CDH2: variants seen among roughly 807,000 people sequenced by gnomAD.
CDH2 encodes the protein cadherin 2.
A neutral mutation model predicts 92.0 loss-of-function variants in CDH2; 17 were observed. The observed-to-expected ratio is 0.18, with a 90% confidence interval of 0.13 to 0.28. The LOEUF is 0.28. CDH2 is among the 10% of genes least tolerant of loss of function. The pLI is 1.00. For synonymous variants in CDH2, 419 were observed against 415.9 expected, an observed-to-expected ratio of 1.01 and a Z score of -0.09; for missense variants, 862 against 1,133.1, an observed-to-expected ratio of 0.76 and a Z score of 3.44.
At chr18:28,099,162 C>T (rs574904746) in intron 2 of CDH2, among the ~76,000 whole-genome samples, 82 of 152,234 alleles carry the variant, frequency 5.4e-4, no homozygotes, top group African/African-American at 1.8e-3. Context: ...CAAATATTTA[C>T]TAACTTTTGA....
chr18:28,083,264 T>C (rs893751702), intron 2 of CDH2, among the ~76,000 whole-genome samples: 1 of 152,090 alleles, frequency 6.6e-6, no homozygotes, highest in Non-Finnish European at 1.5e-5. Flanking sequence ...GTCCACCCTA[T>C]GCTGAAGATA....
intron 7 of CDH2, among the ~76,000 whole-genome samples, chr18:27,997,954 CCG>C: frequency 2.0e-5 from 3 of 152,088 alleles, no homozygotes; most frequent in Admixed American, 6.6e-5. Flanking sequence ...CTACAGGCGC[CCG>C]CAACCACGCC....
intron 2 of CDH2, among the ~76,000 whole-genome samples, chr18:28,061,704 G>C (rs547526255): frequency 3.3e-5 from 5 of 152,194 alleles, no homozygotes; most frequent in Non-Finnish European, 7.3e-5. Context: ...AATGTCTAAA[G>C]GGAAGAGGTT....
chr18:27,952,447 TCAAA>T (rs1412457938), intron 15 of CDH2, 88 bp from the exon 16 acceptor site: 65 of 968,206 alleles, frequency 6.7e-5, no homozygotes, highest in African/African-American at 1.1e-4. Flanking sequence ...ATTCACGGGA[TCAAA>T]CAAACACTTG....
At chr18:27,972,749 T>C (rs2011697995) in intron 14 of CDH2, among the ~76,000 whole-genome samples, 1 of 152,182 alleles carries the variant, frequency 6.6e-6, no homozygotes, top group South Asian at 2.1e-4. Context: ...AGGTGCCAAC[T>C]GTCCTAGATA....
At position 28,048,797 on chromosome 18, in the gene CDH2, A is replaced by G. The variant is rs1029093776; in HGVS notation, c.173-34888T>C. 3.3e-5 allele frequency among the ~76,000 whole-genome samples: 5 copies of G among 152,212 alleles called. No homozygotes were observed. The East Asian group carries it at 7.7e-4, about 23-fold the overall frequency. ...ACAAACAAAATTTCTGTTGAAACAG[A>G]AACAGCAGAGCGTGAAATAGCAGCC... On this transcript the variant is annotated intron_variant, in intron 2 of 15. Transcript: ENST00000269141.
intron 2 of CDH2, among the ~76,000 whole-genome samples, chr18:28,056,204 G>T (rs933494904): frequency 6.6e-6 from 1 of 152,076 alleles, no homozygotes; most frequent in Admixed American, 6.5e-5. Flanking sequence ...GTAGAACATG[G>T]ATTTTGTGAA....
intron 1 of CDH2, 59 bp from the exon 2 acceptor site, chr18:28,147,843 G>C (rs2016062081): frequency 7.4e-6 from 7 of 943,994 alleles, no homozygotes; most frequent in South Asian, 4.3e-5. Flanking sequence ...CTTCAACTGA[G>C]AAACATTCCA....
At chr18:28,012,064 A>C (rs2013117516) in intron 3 of CDH2, 72 bp from the exon 4 acceptor site, 1 of 1,280,648 alleles carries the variant, frequency 7.8e-7, no homozygotes, top group Non-Finnish European at 1.1e-6. Context: ...AATATTATTG[A>C]ATACCTGAAA....
At position 28,049,541 on chromosome 18, in the gene CDH2, C is replaced by A. The variant is rs1488472712; in HGVS notation, c.173-35632G>T. Among the ~76,000 whole-genome samples the A allele has an allele frequency of 2.0e-5, 3 of 152,108 alleles. No homozygotes were observed. The East Asian group carries it at 5.8e-4, about 29-fold the overall frequency. ...CGGCTAGACTAGATTATTAATGATA[C>A]CAGAGAAGCAACAATGTGCTTTATA... is the stretch of plus-strand genomic sequence containing the variant. On this transcript the variant is annotated intron_variant, in intron 2 of 15. Coordinates refer to ENST00000269141, the MANE Select transcript of CDH2 (RefSeq NM_001792.5).
At chr18:28,015,602 C>CA (rs1196284191) in intron 2 of CDH2, among the ~76,000 whole-genome samples, 5 of 152,042 alleles carry the variant, frequency 3.3e-5, no homozygotes, top group African/African-American at 1.2e-4. Context: ...TTTTATATTA[C>CA]AAGAGGGATT....
At chr18:27,953,132 T>C (rs1325612939) in intron 15 of CDH2, among the ~76,000 whole-genome samples, 1 of 152,160 alleles carries the variant, frequency 6.6e-6, no homozygotes, top group Non-Finnish European at 1.5e-5. Flanking sequence ...CAAAAAATCC[T>C]AGAAATGTCA....
chr18:28,077,151 T>C (rs2014736242), intron 2 of CDH2, among the ~76,000 whole-genome samples: 2 of 152,302 alleles, frequency 1.3e-5, no homozygotes, highest in East Asian at 3.9e-4. Context: ...AAATAGTTAC[T>C]GTTGTCTGGA....
chr18:28,092,698 A>G (rs1238258678), intron 2 of CDH2, among the ~76,000 whole-genome samples: 1 of 152,184 alleles, frequency 6.6e-6, no homozygotes, highest in Non-Finnish European at 1.5e-5. Flanking sequence ...AAAGTCCCTA[A>G]TTCAGAGGTG....
chr18:27,941,282 G>T (rs931992782), intron 6 of CDH2, among the ~76,000 whole-genome samples: 1 of 151,962 alleles, frequency 6.6e-6, no homozygotes, highest in Admixed American at 6.6e-5. Context: ...TGATCCGCCC[G>T]TCTCGGCCTC....
At chr18:27,968,443 C>T (rs1037239752) in intron 14 of CDH2, among the ~76,000 whole-genome samples, 1 of 152,188 alleles carries the variant, frequency 6.6e-6, no homozygotes, top group African/African-American at 2.4e-5. Context: ...GATGGTTCCA[C>T]TAATCAGTCA....
intron 6 of CDH2, among the ~76,000 whole-genome samples, chr18:27,934,835 T>C (rs779087315): frequency 6.6e-6 from 1 of 152,102 alleles, no homozygotes; most frequent in African/African-American, 2.4e-5. Flanking sequence ...CTGTGACTAC[T>C]CAAGAATGTC....
At chr18:28,011,383 T>C (rs2013094359) in intron 4 of CDH2, among the ~76,000 whole-genome samples, 1 of 152,186 alleles carries the variant, frequency 6.6e-6, no homozygotes, top group Admixed American at 6.5e-5. Context: ...CAGAGGTCAT[T>C]CTTTTCTTTA....
chr18:28,071,034 CCTT>C (rs755866913), intron 2 of CDH2, among the ~76,000 whole-genome samples: 1 of 151,916 alleles, frequency 6.6e-6, no homozygotes, highest in African/African-American at 2.4e-5. Flanking sequence ...GCATGGATCT[CCTT>C]CTGATAATTT....
Sources: allele counts gnomAD v4.1 joint callset (sites outside exome capture counted in the v4.1 genomes callset), GRCh38; gene constraint gnomAD v4.1.1; transcripts MANE v1.5; gene names NCBI Gene and HGNC (gene_info 2026-07-23, HGNC 2026-07-21).